CAPN9: variants seen among roughly 807,000 people sequenced by gnomAD.
CAPN9 encodes the protein calpain-9.
A neutral mutation model predicts 92.8 loss-of-function variants in CAPN9; 81 were observed. The observed-to-expected ratio is 0.87, with a 90% confidence interval of 0.73 to 1.05. The LOEUF is 1.05. Ranked by LOEUF, CAPN9 falls within the 50% of genes least tolerant of loss-of-function variation. The probability of loss-of-function intolerance (pLI) is 0.00; values close to 1 mark genes in which losing one functional copy is unlikely to be tolerated. For missense variants in CAPN9, 848 were observed against 866.2 expected (o/e 0.98, Z 0.26); for synonymous variants, 304 against 328.0 (o/e 0.93, Z 0.79).
chr1:230,748,604 C>A (rs1664577146), intron 1 of CAPN9, among the ~76,000 whole-genome samples: 2 of 152,264 alleles, frequency 1.3e-5, no homozygotes, highest in African/African-American at 4.8e-5. Context: ...AAAATGGGAA[C>A]AATAATGGCT....
At chr1:230,750,673 G>A (rs993583761) in intron 1 of CAPN9, among the ~76,000 whole-genome samples, 6 of 152,162 alleles carry the variant, frequency 3.9e-5, no homozygotes, top group Non-Finnish European at 8.8e-5. Flanking sequence ...TGGGACCGTG[G>A]GGCTGGACGG....
intron 4 of CAPN9, among the ~76,000 whole-genome samples, chr1:230,767,013 A>G (rs1443333413): frequency 6.6e-6 from 1 of 152,208 alleles, no homozygotes; most frequent in Non-Finnish European, 1.5e-5. Context: ...CAGAGCACAT[A>G]TATGTAAAAT....
intron 1 of CAPN9, among the ~76,000 whole-genome samples, chr1:230,751,233 C>G (rs1007856071): frequency 2.6e-5 from 4 of 152,196 alleles, no homozygotes; most frequent in Non-Finnish European, 5.9e-5. Flanking sequence ...CCCCTGACCC[C>G]CAGGAGGGGT....
intron 1 of CAPN9, 39 bp from the exon 2 acceptor site, chr1:230,755,298 A>G (rs1665151012): frequency 1.3e-6 from 2 of 1,516,292 alleles, no homozygotes; most frequent in Non-Finnish European, 1.8e-6. Flanking sequence ...GGCTTGCAGC[A>G]TGGCAGGCCT....
intron 18 of CAPN9, chr1:230,795,538 G>A (rs959038717): frequency 6.7e-5 from 27 of 400,662 alleles, no homozygotes; most frequent in African/African-American, 5.1e-4. Flanking sequence ...GCTGGGGCAG[G>A]TTTGTGCCTT....
chr1:230,790,537 C>G (rs1003504807), intron 14 of CAPN9, among the ~76,000 whole-genome samples: 1 of 152,070 alleles, frequency 6.6e-6, no homozygotes, highest in African/African-American at 2.4e-5. Flanking sequence ...CAACAAGAAA[C>G]CCTTTACCCA....
rs1314350359 is a variant in CAPN9 at position 230,762,794 on chromosome 1, A to G, written c.536+8A>G. ...GGAAAAAGCCTACGCCAAGTGAGTG[A>G]CAGCTTCCCCAGCTCAGGCAGCCTC... is the stretch of plus-strand genomic sequence containing the variant. On this transcript the variant is annotated splice_region_variant and intron_variant, in intron 4 of 19. Coordinates refer to ENST00000271971, the MANE Select transcript of CAPN9 (RefSeq NM_006615.3). 1.2e-6 allele frequency: 2 copies of G among 1,613,566 alleles called. No homozygotes were observed. The highest frequency in any genetic ancestry group is 1.7e-5 in the Admixed American group (1 of 59,942).
At chr1:230,798,344 A>C (rs979291598) in intron 19 of CAPN9, 124 bp downstream of exon 19, 1 of 670,816 alleles carries the variant, frequency 1.5e-6, no homozygotes, top group Admixed American at 2.5e-5. Flanking sequence ...GGGAGTGATT[A>C]TAACAAAATA....
chr1:230,764,028 TC>T (rs1453610197), intron 4 of CAPN9, among the ~76,000 whole-genome samples: 1 of 151,952 alleles, frequency 6.6e-6, no homozygotes, highest in East Asian at 1.9e-4. Flanking sequence ...TTTATTGGGG[TC>T]ACTTAAAAAG....
chr1:230,762,812 G>GA (rs1665728999), intron 4 of CAPN9, 26 bp downstream of exon 4: 1 of 1,609,434 alleles, frequency 6.2e-7, no homozygotes. Flanking sequence ...CCCAGCTCAG[G>GA]CAGCCTCCCG....
intron 5 of CAPN9, among the ~76,000 whole-genome samples, chr1:230,768,063 A>C (rs1666124477): frequency 1.3e-5 from 2 of 149,298 alleles, no homozygotes. Flanking sequence ...TAAAAAATAA[A>C]ATAAAATAAA....
At chr1:230,791,232 G>T (rs1667958298) in intron 14 of CAPN9, among the ~76,000 whole-genome samples, 1 of 152,144 alleles carries the variant, frequency 6.6e-6, no homozygotes, top group African/African-American at 2.4e-5. Context: ...TACTTCTCCT[G>T]GGTATATAGT....
At chr1:230,773,807 A>C (rs1342963287) in intron 7 of CAPN9, among the ~76,000 whole-genome samples, 1 of 152,124 alleles carries the variant, frequency 6.6e-6, no homozygotes, top group Non-Finnish European at 1.5e-5. Context: ...TTGAGTTGAG[A>C]TCACAGGATG....
At chr1:230,748,571 T>G (rs901751072) in intron 1 of CAPN9, among the ~76,000 whole-genome samples, 7 of 152,212 alleles carry the variant, frequency 4.6e-5, no homozygotes, top group Non-Finnish European at 8.8e-5. Flanking sequence ...TTCATTTCCC[T>G]GAGCCTCAGT....
At chr1:230,787,484 T>A (rs1469280453) in intron 12 of CAPN9, 38 bp from the exon 13 acceptor site, 1 of 1,564,226 alleles carries the variant, frequency 6.4e-7, no homozygotes, top group Non-Finnish European at 8.8e-7. Flanking sequence ...TTCTTTTTTG[T>A]GGATCATTTT....
chr1:230,798,218 G>A lies in CAPN9; in HGVS notation c.2044G>A (p.Glu682Lys), dbSNP rs775538016. Residue 682 changes from glutamate to lysine, a missense_variant and splice_region_variant, in exon 19 of 20, where the codon GAG becomes AAG. Physicochemically the swap from Glu to Lys is moderately conservative, Grantham distance 56. Transcript: ENST00000271971. ...NKEFIHLNIN[E>K]FIHLTMNI is the part of the protein sequence containing the mutation. ...GGAGTTCATTCATCTCAATATAAAT[G>A]AGGTATGGCCAATCCAGACCCTCTG... 6.8e-6 allele frequency: 11 copies of A among 1,609,042 alleles called. No individual in the cohort carries two copies. In the South Asian group the frequency reaches 1.2e-4, roughly 18 times the overall value.
intron 11 of CAPN9, 123 bp from the exon 12 acceptor site, chr1:230,785,858 C>T: frequency 1.1e-6 from 1 of 896,730 alleles, no homozygotes; most frequent in East Asian, 2.4e-5. Context: ...GAAATGTAAA[C>T]AGCACTGAAC....
chr1:230,768,880 C>T (rs1246404380), intron 5 of CAPN9, among the ~76,000 whole-genome samples: 4 of 152,202 alleles, frequency 2.6e-5, no homozygotes, highest in Admixed American at 2.6e-4. Flanking sequence ...TGTCTTCTCT[C>T]TCACACTATA....
At chr1:230,800,441 G>T (rs1229610496) in intron 19 of CAPN9, among the ~76,000 whole-genome samples, 1 of 152,102 alleles carries the variant, frequency 6.6e-6, no homozygotes, top group Non-Finnish European at 1.5e-5. Context: ...CAGTGGGAAG[G>T]TTTGTTACTC....
Sources: allele counts gnomAD v4.1 joint callset (sites outside exome capture counted in the v4.1 genomes callset), GRCh38; gene constraint gnomAD v4.1.1; transcripts MANE v1.5; gene names NCBI Gene and HGNC (gene_info 2026-07-23, HGNC 2026-07-21).